The following CTNND2 variants were observed in gnomAD, a reference collection of about 807,000 sequenced individuals.
The protein encoded by CTNND2 is catenin delta-2.
CTNND2 carries 22 observed loss-of-function variants against 144.4 expected under a neutral mutation model. The observed-to-expected ratio is 0.15, with a 90% CI of 0.11 to 0.22. The LOEUF is 0.22. Ranked by LOEUF, CTNND2 falls within the 10% of genes least tolerant of loss-of-function variation. CTNND2 has a pLI of 1.00. For missense variants in CTNND2, 1,353 were observed against 1,618.8 expected (o/e 0.84, Z 2.82); for synonymous variants, 751 against 695.6 (o/e 1.08, Z -1.25).
chr5:11,273,037 G>A (rs779205257), intron 9 of CTNND2, among the ~76,000 whole-genome samples: 7 of 152,032 alleles, frequency 4.6e-5, no homozygotes, highest in Admixed American at 1.3e-4. Context: ...TGGCAGACCT[G>A]TATTACAAAA....
intron 2 of CTNND2, among the ~76,000 whole-genome samples, chr5:11,640,505 G>GA (rs953254803): frequency 2.0e-5 from 3 of 152,142 alleles, no homozygotes; most frequent in African/African-American, 4.8e-5. Context: ...ACACTATCTA[G>GA]AAAAAACCAA....
At chr5:11,544,111 T>C (rs1035748813) in intron 3 of CTNND2, among the ~76,000 whole-genome samples, 2 of 152,018 alleles carry the variant, frequency 1.3e-5, no homozygotes, top group African/African-American at 2.4e-5. Context: ...GTAATATACT[T>C]AAAAATTTAA....
intron 8 of CTNND2, 46 bp from the exon 9 acceptor site, chr5:11,346,673 C>T (rs955174726): frequency 4.9e-6 from 7 of 1,415,214 alleles, no homozygotes; most frequent in Non-Finnish European, 6.5e-6. Flanking sequence ...AGGACCTGCT[C>T]ACAGAAATGG....
At chr5:11,381,198 C>G (rs1342956906) in intron 7 of CTNND2, among the ~76,000 whole-genome samples, 1 of 152,216 alleles carries the variant, frequency 6.6e-6, no homozygotes, top group Non-Finnish European at 1.5e-5. Context: ...ATAATCACCT[C>G]TTGCTTAAAT....
At position 11,607,479 on chromosome 5, in the gene CTNND2, T is replaced by C. The variant is rs529416994; in HGVS notation, c.175-42423A>G. On this transcript the variant is annotated intron_variant, in intron 2 of 21. Transcript: ENST00000304623. ...GATTACAACAGTAATCATATAGTTTTGATTACTGAGTTTTAAGAAACAGCA... is the reference window on the plus strand; with the variant it reads ...GATTACAACAGTAATCATATAGTTTCGATTACTGAGTTTTAAGAAACAGCA... 8.5e-5 allele frequency among the ~76,000 whole-genome samples: 13 copies of C among 152,326 alleles called. No homozygotes were observed. The South Asian group carries it at 2.5e-3, about 29-fold the overall frequency.
intron 9 of CTNND2, among the ~76,000 whole-genome samples, chr5:11,276,426 C>T (rs564453639): frequency 2.0e-5 from 3 of 152,160 alleles, no homozygotes; most frequent in Non-Finnish European, 1.5e-5. Flanking sequence ...ACTTCCCAGG[C>T]CCCTTCTTGA....
chr5:11,170,983 C>A (rs570774708), intron 11 of CTNND2, among the ~76,000 whole-genome samples: 4 of 152,274 alleles, frequency 2.6e-5, no homozygotes, highest in African/African-American at 7.2e-5. Flanking sequence ...ATCATGAGAA[C>A]AGTATGGGAA....
At chr5:11,528,335 C>G (rs1773445382) in intron 3 of CTNND2, among the ~76,000 whole-genome samples, 1 of 152,034 alleles carries the variant, frequency 6.6e-6, no homozygotes, top group Non-Finnish European at 1.5e-5. Context: ...TCTGGGTTTT[C>G]ATTTGTATAC....
chr5:11,674,749 CAG>C (rs1239276473), intron 2 of CTNND2, among the ~76,000 whole-genome samples: 7 of 132,324 alleles, frequency 5.3e-5, no homozygotes, highest in African/African-American at 3.6e-5. Context: ...GGTTTTGAGA[CAG>C]AGTCTTCCTC....
In CTNND2 at chr5:11,903,330, G is replaced by T; in HGVS notation, c.37+487C>A. 1.0e-6 allele frequency: 1 copy of T among 986,084 alleles called. No homozygotes were observed. Among genetic ancestry groups the T allele is most frequent in the Non-Finnish European group, 1.2e-6 (1 of 830,458 alleles). The allele number at this position is 986,084 out of a possible 1,614,324, so 61.1% of individuals were successfully genotyped here. Reference sequence around the variant, plus strand: ...GCAAGCCGCGGGAGCCTGAAGACACGGCCATGGACGCATATGACTAAGTCT... The same window carrying T: ...GCAAGCCGCGGGAGCCTGAAGACACTGCCATGGACGCATATGACTAAGTCT... On this transcript the variant is annotated intron_variant, in intron 1 of 21. Coordinates refer to ENST00000304623, the MANE Select transcript of CTNND2 (RefSeq NM_001332.4). This position sits in a 1 kb window ranked among gnomAD's most constrained non-coding sequence, Gnocchi z 5.4.
chr5:11,805,916 G>A (rs940803970), intron 1 of CTNND2, among the ~76,000 whole-genome samples: 1 of 152,128 alleles, frequency 6.6e-6, no homozygotes, highest in African/African-American at 2.4e-5. Context: ...TCAGCTAAGT[G>A]AGCAAGGTCA....
chr5:11,509,966 C>G (rs1219631150), intron 3 of CTNND2, among the ~76,000 whole-genome samples: 2 of 152,298 alleles, frequency 1.3e-5, no homozygotes, highest in East Asian at 3.9e-4. Flanking sequence ...GGGTCTCGCT[C>G]TGTTGCTCAG....
chr5:11,831,303 A>T (rs1338906972), intron 1 of CTNND2, among the ~76,000 whole-genome samples: 1 of 152,068 alleles, frequency 6.6e-6, no homozygotes, highest in Non-Finnish European at 1.5e-5. Flanking sequence ...TGCCTCAATC[A>T]AGACCCAATA....
At chr5:11,480,784 C>T (rs1038828896) in intron 3 of CTNND2, among the ~76,000 whole-genome samples, 1 of 151,924 alleles carries the variant, frequency 6.6e-6, no homozygotes, top group South Asian at 2.1e-4. Context: ...TAGGAAAAAG[C>T]GTTGATGTCA....
chr5:11,162,914 T>G (rs59281124), intron 11 of CTNND2, among the ~76,000 whole-genome samples: 71 of 46,074 alleles, frequency 1.5e-3, no homozygotes, highest in Middle Eastern at 0.01. Flanking sequence ...CACACACACA[T>G]ACAGACACAC....
At chr5:11,785,729 C>G (rs1312486169) in intron 1 of CTNND2, among the ~76,000 whole-genome samples, 1 of 152,170 alleles carries the variant, frequency 6.6e-6, no homozygotes, top group African/African-American at 2.4e-5. Flanking sequence ...AATTTGGAGG[C>G]TGGGTTACTA....
intron 5 of CTNND2, among the ~76,000 whole-genome samples, chr5:11,404,716 C>T (rs1760947180): frequency 7.3e-6 from 1 of 137,750 alleles, no homozygotes; most frequent in African/African-American, 2.6e-5. Context: ...TTCCCAGGTT[C>T]AAGCGATTCT....
At chr5:11,057,633 G>T (rs1303766415) in intron 16 of CTNND2, among the ~76,000 whole-genome samples, 2 of 152,170 alleles carry the variant, frequency 1.3e-5, no homozygotes, top group Non-Finnish European at 2.9e-5. Context: ...ACAATACATT[G>T]GTACCAGTAG....
intron 12 of CTNND2, among the ~76,000 whole-genome samples, chr5:11,125,214 C>T (rs931163631): frequency 2.4e-4 from 37 of 152,278 alleles, no homozygotes; most frequent in African/African-American, 8.2e-4. Context: ...GACAGTAATC[C>T]AGCCACAGCC....
Sources: allele counts gnomAD v4.1 joint callset (sites outside exome capture counted in the v4.1 genomes callset), GRCh38; gene constraint gnomAD v4.1.1; non-coding constraint Gnocchi (gnomAD v3.1); transcripts MANE v1.5; gene names NCBI Gene and HGNC (gene_info 2026-07-23, HGNC 2026-07-21).